Variants in TRIM44 observed in about 807,000 individuals in gnomAD.
TRIM44 encodes tripartite motif containing 44, also known as tripartite motif-containing protein 44.
Under a neutral mutation model 37.4 loss-of-function variants are expected in TRIM44, and 13 were observed. The ratio of observed to expected loss-of-function variants is 0.35; its 90% CI spans 0.23 to 0.55. The LOEUF is 0.55. Among genes scored for constraint, TRIM44 ranks in the 20% least tolerant of loss-of-function variants. TRIM44 has a pLI of 0.89. For missense variants in TRIM44, 426 were observed against 437.2 expected (o/e 0.97, Z 0.23); for synonymous variants, 175 against 157.2 (o/e 1.11, Z -0.85).
At chr11:35,705,158 A>G (rs1208068816) in intron 2 of TRIM44, among the ~76,000 whole-genome samples, 3 of 150,030 alleles carry the variant, frequency 2.0e-5, no homozygotes, top group Admixed American at 1.3e-4. Flanking sequence ...ATCAAAAGAG[A>G]CAAAGAAGGC....
At chr11:35,746,385 C>G (rs1014116323) in intron 4 of TRIM44, among the ~76,000 whole-genome samples, 4 of 151,318 alleles carry the variant, frequency 2.6e-5, no homozygotes, top group South Asian at 4.2e-4. Context: ...ACATTTTTTC[C>G]CAGTGAGAGG....
At chr11:35,712,411 C>A (rs1295595606) in intron 2 of TRIM44, among the ~76,000 whole-genome samples, 2 of 152,146 alleles carry the variant, frequency 1.3e-5, no homozygotes, top group Non-Finnish European at 2.9e-5. Flanking sequence ...TACTGAGATT[C>A]TTCACTCCCT....
chr11:35,690,715 T>A (rs1371912847), intron 2 of TRIM44, among the ~76,000 whole-genome samples: 1 of 152,238 alleles, frequency 6.6e-6, no homozygotes, highest in Non-Finnish European at 1.5e-5. Flanking sequence ...ATTTATTTTA[T>A]CCCTGTATCT....
intron 4 of TRIM44, among the ~76,000 whole-genome samples, chr11:35,759,149 G>A (rs1852689004): frequency 6.6e-6 from 1 of 152,226 alleles, no homozygotes; most frequent in African/African-American, 2.4e-5. Context: ...GTGAGACACA[G>A]ATTTGGTCTT....
chr11:35,801,800 A>T (rs1400483429), intron 4 of TRIM44, among the ~76,000 whole-genome samples: 2 of 152,108 alleles, frequency 1.3e-5, no homozygotes. Context: ...CAACCAAGAA[A>T]GTGTTAAATT....
intron 2 of TRIM44, among the ~76,000 whole-genome samples, chr11:35,718,320 CTATT>C (rs1186132120): frequency 6.6e-6 from 1 of 152,134 alleles, no homozygotes; most frequent in African/African-American, 2.4e-5. Flanking sequence ...TTCTCAGTGG[CTATT>C]TAGTTTTCTG....
chr11:35,795,910 C>T (rs1853278637), intron 4 of TRIM44, among the ~76,000 whole-genome samples: 1 of 152,166 alleles, frequency 6.6e-6, no homozygotes, highest in Non-Finnish European at 1.5e-5. Flanking sequence ...ATGTCAAGCT[C>T]TTTATATATC....
At chr11:35,738,902 T>C (rs977373543) in intron 4 of TRIM44, among the ~76,000 whole-genome samples, 4 of 152,132 alleles carry the variant, frequency 2.6e-5, no homozygotes, top group Admixed American at 2.6e-4. Flanking sequence ...ACTGCCTACA[T>C]AGAAGTTCAA....
intron 1 of TRIM44, among the ~76,000 whole-genome samples, chr11:35,667,858 G>A (rs1279571916): frequency 6.6e-6 from 1 of 151,998 alleles, no homozygotes; most frequent in Non-Finnish European, 1.5e-5. Flanking sequence ...TTTTGGATTT[G>A]GCTTATTAAT....
chr11:35,740,717 C>G (rs1436022134), intron 4 of TRIM44, among the ~76,000 whole-genome samples: 1 of 152,114 alleles, frequency 6.6e-6, no homozygotes, highest in Non-Finnish European at 1.5e-5. Flanking sequence ...ATTTAACATC[C>G]TTGTACTCTT....
At chr11:35,734,716 T>A (rs994699412) in intron 3 of TRIM44, among the ~76,000 whole-genome samples, 1 of 152,136 alleles carries the variant, frequency 6.6e-6, no homozygotes, top group African/African-American at 2.4e-5. Flanking sequence ...TAAAGTTAGG[T>A]TGAGAGAATG....
rs758361369 is a variant in TRIM44, at chr11:35,663,231, C to G, written c.120C>G (p.Tyr40Ter). Residue 40 changes from tyrosine to a stop codon, truncating the protein, a stop_gained, in exon 1 of 5, where the codon TAC (tyrosine) becomes TAG (stop). Coordinates refer to ENST00000299413, the MANE Select transcript of TRIM44 (RefSeq NM_017583.6). LOFTEE classifies it high-confidence loss of function. ...EEVCRECGFC[Y>*]CRRHAEAHRQ... ...TGTGCCGAGAATGCGGCTTCTGCTA[C>G]TGCCGCCGCCATGCCGAGGCGCACA... 1 of 1,607,742 alleles carries G rather than the reference C, an allele frequency of 6.2e-7. No individual in the cohort carries two copies. The highest frequency in any genetic ancestry group is 8.5e-7 in the Non-Finnish European group (1 of 1,175,548).
At chr11:35,779,516 A>G (rs190582362) in intron 4 of TRIM44, among the ~76,000 whole-genome samples, 9 of 152,164 alleles carry the variant, frequency 5.9e-5, no homozygotes, top group South Asian at 2.1e-4. Flanking sequence ...CCCGTCTTCT[A>G]TTGCTCACGC....
intron 4 of TRIM44, among the ~76,000 whole-genome samples, chr11:35,787,652 AT>A (rs1418893254): frequency 6.6e-6 from 1 of 152,220 alleles, no homozygotes; most frequent in East Asian, 1.9e-4. Context: ...ATTAATCTGG[AT>A]ACTTGCCTTC....
At chr11:35,703,628 C>T (rs893648759) in intron 2 of TRIM44, among the ~76,000 whole-genome samples, 14 of 152,288 alleles carry the variant, frequency 9.2e-5, no homozygotes, top group Admixed American at 1.3e-4. Flanking sequence ...CTGCAGCCAC[C>T]GCTGCTGGTA....
chr11:35,719,842 A>G (rs962938109), intron 2 of TRIM44, among the ~76,000 whole-genome samples: 1 of 152,124 alleles, frequency 6.6e-6, no homozygotes, highest in Non-Finnish European at 1.5e-5. Context: ...TCCTTTGTCA[A>G]AGATCAGTTG....
At chr11:35,704,100 C>G (rs1851838469) in intron 2 of TRIM44, among the ~76,000 whole-genome samples, 2 of 152,016 alleles carry the variant, frequency 1.3e-5, no homozygotes, top group Non-Finnish European at 1.5e-5. Context: ...GGCTCGAGAA[C>G]TACGTGAAGA....
At chr11:35,778,459 C>G (rs1030614261) in intron 4 of TRIM44, among the ~76,000 whole-genome samples, 3 of 152,196 alleles carry the variant, frequency 2.0e-5, no homozygotes, top group African/African-American at 7.2e-5. Context: ...CTTCTTCTCT[C>G]AAGTCGTCAA....
chr11:35,742,853 T>G (rs1038816880), intron 4 of TRIM44, among the ~76,000 whole-genome samples: 1 of 146,820 alleles, frequency 6.8e-6, no homozygotes, highest in African/African-American at 2.5e-5. Context: ...AATATATTAT[T>G]TTTATTTCTA....
Sources: gnomAD v4.1 joint callset for allele counts (sites outside exome capture counted in the v4.1 genomes callset) on GRCh38, gnomAD v4.1.1 for gene constraint, MANE v1.5 for transcripts, NCBI Gene and HGNC (gene_info 2026-07-23, HGNC 2026-07-21) for gene names.